The following ARMC9 variants were observed in gnomAD, a reference collection of about 807,000 sequenced individuals.
ARMC9 encodes the protein armadillo repeat containing 9.
Under a neutral mutation model 107.0 loss-of-function variants are expected in ARMC9, and 94 were observed. The observed-to-expected ratio is 0.88, with a 90% CI of 0.74 to 1.04. ARMC9 has a LOEUF of 1.04. Ranked by LOEUF, ARMC9 falls within the 50% of genes least tolerant of loss-of-function variation. The pLI, the probability that ARMC9 is intolerant of heterozygous loss-of-function variation, is 0.00. For missense variants in ARMC9, 942 were observed against 1,030.1 expected (o/e 0.91, Z 1.17); for synonymous variants, 380 against 396.9 (o/e 0.96, Z 0.51).
At chr2:231,265,088 C>T (rs2038733993) in intron 12 of ARMC9, among the ~76,000 whole-genome samples, 2 of 150,600 alleles carry the variant, frequency 1.3e-5, no homozygotes, top group African/African-American at 5.0e-5. Context: ...CAGAGTGAGA[C>T]TGCGTCTCAA....
intron 1 of ARMC9, among the ~76,000 whole-genome samples, chr2:231,204,628 G>C (rs1181885631): frequency 6.6e-6 from 1 of 152,034 alleles, no homozygotes; most frequent in Non-Finnish European, 1.5e-5. Context: ...GGGAACACCT[G>C]TCAGGTGCTG....
At chr2:231,321,255 TG>T (rs1353799102) in intron 19 of ARMC9, among the ~76,000 whole-genome samples, 1 of 151,808 alleles carries the variant, frequency 6.6e-6, no homozygotes, top group African/African-American at 2.4e-5. Context: ...TCTGCTGGAG[TG>T]GAGGTTCCTC....
chr2:231,265,766 G>A (rs2038804266), intron 12 of ARMC9, among the ~76,000 whole-genome samples: 1 of 151,914 alleles, frequency 6.6e-6, no homozygotes, highest in South Asian at 2.1e-4. Flanking sequence ...CAGCACTTTG[G>A]GAGGCCTGAG....
chr2:231,345,910 G>A (rs1025760573), intron 21 of ARMC9, among the ~76,000 whole-genome samples: 31 of 152,144 alleles, frequency 2.0e-4, no homozygotes, highest in African/African-American at 5.8e-4. Flanking sequence ...ACCAGGCAAC[G>A]GAATTGAGCA....
intron 9 of ARMC9, among the ~76,000 whole-genome samples, chr2:231,248,895 G>A (rs942377495): frequency 6.9e-6 from 1 of 144,490 alleles, no homozygotes; most frequent in Non-Finnish European, 1.5e-5. Flanking sequence ...GGCCTCCATC[G>A]CCTGCCCAGT....
At chr2:231,264,549 G>A (rs914357873) in intron 12 of ARMC9, among the ~76,000 whole-genome samples, 1 of 151,350 alleles carries the variant, frequency 6.6e-6, no homozygotes, top group Non-Finnish European at 1.5e-5. Context: ...CCAGGCTGGA[G>A]TGCAGTGGCA....
intron 19 of ARMC9, among the ~76,000 whole-genome samples, chr2:231,308,919 G>A (rs962698386): frequency 6.6e-6 from 1 of 151,514 alleles, no homozygotes; most frequent in African/African-American, 2.4e-5. Context: ...AGCTCGCTTG[G>A]CATGGCCAGC....
chr2:231,291,545 C>A, intron 18 of ARMC9, 102 bp downstream of exon 18: 1 of 1,190,310 alleles, frequency 8.4e-7, no homozygotes, highest in Non-Finnish European at 1.2e-6. Context: ...AAGCCGGGCA[C>A]GGTGGCTCGT....
At chr2:231,226,353 G>A (rs1198137243) in intron 6 of ARMC9, among the ~76,000 whole-genome samples, 1 of 152,202 alleles carries the variant, frequency 6.6e-6, no homozygotes, top group Non-Finnish European at 1.5e-5. Flanking sequence ...TAGCAATACT[G>A]TGCTATGCTG....
At chr2:231,288,347 C>T (rs1377168774) in intron 17 of ARMC9, among the ~76,000 whole-genome samples, 1 of 151,638 alleles carries the variant, frequency 6.6e-6, no homozygotes, top group Non-Finnish European at 1.5e-5. Context: ...GGGTGGGGGG[C>T]CTGTGAGTAA....
chr2:231,310,298 C>T (rs2042264936), intron 19 of ARMC9, among the ~76,000 whole-genome samples: 1 of 150,824 alleles, frequency 6.6e-6, no homozygotes, highest in Non-Finnish European at 1.5e-5. Flanking sequence ...CCTGTAATCC[C>T]AGCTACCCAG....
intron 23 of ARMC9, among the ~76,000 whole-genome samples, chr2:231,363,945 C>A (rs1031133688): frequency 3.3e-5 from 5 of 149,476 alleles, no homozygotes; most frequent in Non-Finnish European, 5.9e-5. Flanking sequence ...CTTCCCCCAA[C>A]CCCCATGGTG....
chr2:231,208,442 G>T (rs2032347349), intron 3 of ARMC9, among the ~76,000 whole-genome samples, 190 bp downstream of exon 3: 1 of 152,142 alleles, frequency 6.6e-6, no homozygotes, highest in Non-Finnish European at 1.5e-5. Context: ...GGAAATGTGT[G>T]GCCATATAAG....
At chr2:231,349,228 A>G (rs1329677577) in intron 21 of ARMC9, among the ~76,000 whole-genome samples, 1 of 152,222 alleles carries the variant, frequency 6.6e-6, no homozygotes, top group Non-Finnish European at 1.5e-5. Context: ...TGGTACATAT[A>G]CACAATGGAG....
At chr2:231,335,010 C>T (rs2043992433) in intron 20 of ARMC9, among the ~76,000 whole-genome samples, 1 of 152,218 alleles carries the variant, frequency 6.6e-6, no homozygotes, top group Non-Finnish European at 1.5e-5. Flanking sequence ...TTCAAGATGA[C>T]TCTAAAGATG....
chr2:231,366,557 A>C (rs1036684739), intron 23 of ARMC9, among the ~76,000 whole-genome samples: 3 of 151,940 alleles, frequency 2.0e-5, no homozygotes, highest in African/African-American at 7.2e-5. Context: ...AATTTTAAAA[A>C]TTGGGCCAGC....
At chr2:231,316,574 A>G (rs1376708867) in intron 19 of ARMC9, among the ~76,000 whole-genome samples, 1 of 151,614 alleles carries the variant, frequency 6.6e-6, no homozygotes, top group African/African-American at 2.4e-5. Context: ...GCTTGAACCC[A>G]GGAGAATCAC....
chr2:231,216,862 G>T, intron 5 of ARMC9, 69 bp downstream of exon 5: 1 of 1,502,674 alleles, frequency 6.7e-7, no homozygotes. Context: ...CTGTATGCTG[G>T]GGGCTTCTGA....
chr2:231,273,568 T>C (rs2039513958), intron 14 of ARMC9, among the ~76,000 whole-genome samples: 1 of 152,082 alleles, frequency 6.6e-6, no homozygotes, highest in African/African-American at 2.4e-5. Context: ...TTGGAACCAA[T>C]GGGGCCAGGC....
Sources: allele counts gnomAD v4.1 joint callset (sites outside exome capture counted in the v4.1 genomes callset), GRCh38; gene constraint gnomAD v4.1.1; transcripts MANE v1.5; gene names NCBI Gene and HGNC (gene_info 2026-07-23, HGNC 2026-07-21).